DIAPH2: variants seen among roughly 807,000 people sequenced by gnomAD.
DIAPH2 encodes the protein protein diaphanous homolog 2.
In DIAPH2, 35 loss-of-function variants were observed where a neutral mutation model predicts 92.7. The ratio of observed to expected loss-of-function variants is 0.38; its 90% CI spans 0.29 to 0.50. The LOEUF (loss-of-function observed/expected upper bound fraction) is 0.50. Ranked by LOEUF, DIAPH2 falls within the 20% of genes least tolerant of loss-of-function variation. The pLI is 0.94. For synonymous variants in DIAPH2, 301 were observed against 280.4 expected (o/e 1.07, Z -0.73); for missense variants, 701 against 819.5 (o/e 0.86, Z 1.77).
intron 23 of DIAPH2, among the ~76,000 whole-genome samples, chrX:97,261,923 T>G (rs1427272610): frequency 9.0e-6 from 1 of 110,677 alleles, no homozygotes; most frequent in East Asian, 2.8e-4. Context: ...TGAATTAATT[T>G]CTTCTCTGAT....
rs1388326123 is a variant in DIAPH2, at chrX:97,492,982, C to T, written c.3241+63237C>T. Among the ~76,000 whole-genome samples the T allele has an allele frequency of 2.7e-5, 3 of 112,353 alleles. No individual in the cohort carries two copies. The East Asian group carries it at 8.4e-4, about 31-fold the overall frequency. ...CATGAGTTCTTTATATAAGCTTTTT[C>T]CCCTGACTATCTCTCTTCTCCTTTG... On this transcript the variant is annotated intron_variant, in intron 26 of 26. Transcript: ENST00000324765.
intron 1 of DIAPH2, among the ~76,000 whole-genome samples, chrX:96,724,245 C>T (rs922220275): frequency 7.2e-5 from 8 of 111,035 alleles, no homozygotes; most frequent in East Asian, 2.8e-4. Flanking sequence ...AATTTTTAAG[C>T]GTATCTTTAT....
chrX:97,287,782 C>A (rs1422255548), intron 23 of DIAPH2, among the ~76,000 whole-genome samples: 2 of 103,820 alleles, frequency 1.9e-5, no homozygotes, highest in Non-Finnish European at 3.9e-5. Flanking sequence ...CTTGGTGAAC[C>A]CTGTCTCTAC....
intron 4 of DIAPH2, among the ~76,000 whole-genome samples, chrX:96,789,359 T>C (rs1264889219): frequency 1.8e-5 from 2 of 111,986 alleles, no homozygotes; most frequent in African/African-American, 6.5e-5. Context: ...ATATTCAATA[T>C]AGACTGCATT....
At chrX:97,456,222 T>TA (rs1050808308) in intron 26 of DIAPH2, among the ~76,000 whole-genome samples, 2 of 110,257 alleles carry the variant, frequency 1.8e-5, no homozygotes, top group African/African-American at 6.6e-5. Flanking sequence ...CCGTCTCTAC[T>TA]AAAAAATACA....
At chrX:96,872,998 A>C (rs760497387) in intron 4 of DIAPH2, among the ~76,000 whole-genome samples, 1 of 111,988 alleles carries the variant, frequency 8.9e-6, no homozygotes, top group East Asian at 2.8e-4. Context: ...AGGAAGCTCC[A>C]TACTGTTTTC....
intron 23 of DIAPH2, among the ~76,000 whole-genome samples, chrX:97,310,761 C>T (rs2068787094): frequency 9.0e-6 from 1 of 111,552 alleles, no homozygotes; most frequent in East Asian, 2.8e-4. Flanking sequence ...GTAATCTCAG[C>T]GCTTTGGGAC....
intron 1 of DIAPH2, among the ~76,000 whole-genome samples, chrX:96,709,198 T>C (rs2063904189): frequency 8.9e-6 from 1 of 112,530 alleles, no homozygotes; most frequent in Non-Finnish European, 1.9e-5. Context: ...ACTTCGTTTC[T>C]GTTTGTTAAT....
chrX:96,861,090 A>C (rs748826098), intron 4 of DIAPH2, among the ~76,000 whole-genome samples: 200 of 111,456 alleles, frequency 1.8e-3, no homozygotes, highest in Middle Eastern at 9.2e-3. Flanking sequence ...AGTGTTCTGC[A>C]TTTATTCTTT....
chrX:96,874,717 A>C (rs909898461), intron 4 of DIAPH2, among the ~76,000 whole-genome samples: 1 of 112,046 alleles, frequency 8.9e-6, no homozygotes, highest in South Asian at 3.7e-4. Flanking sequence ...TTAATGTTCT[A>C]CTTTAAAATA....
intron 4 of DIAPH2, among the ~76,000 whole-genome samples, chrX:96,823,762 T>G: frequency 9.1e-6 from 1 of 110,314 alleles, no homozygotes; most frequent in East Asian, 2.8e-4. Flanking sequence ...ACTTTGAGTT[T>G]AGCAACAGGA....
chrX:97,288,443 A>C (rs1038359038), intron 23 of DIAPH2, among the ~76,000 whole-genome samples: 3 of 111,208 alleles, frequency 2.7e-5, no homozygotes, highest in Non-Finnish European at 5.7e-5. Flanking sequence ...TAGATGGCTT[A>C]AATGAAAAGA....
intron 23 of DIAPH2, among the ~76,000 whole-genome samples, chrX:97,304,819 C>T (rs1378093242): frequency 4.5e-5 from 5 of 112,100 alleles, no homozygotes; most frequent in Admixed American, 9.5e-5. Context: ...GAGTATTTTG[C>T]TACCAACAGA....
At chrX:97,264,648 C>T (rs954318763) in intron 23 of DIAPH2, among the ~76,000 whole-genome samples, 2 of 112,417 alleles carry the variant, frequency 1.8e-5, no homozygotes, top group Non-Finnish European at 3.7e-5. Flanking sequence ...CTCACAACTT[C>T]TTACCCTCAA....
At chrX:96,882,740 T>C (rs1337740807) in intron 5 of DIAPH2, among the ~76,000 whole-genome samples, 1 of 109,654 alleles carries the variant, frequency 9.1e-6, no homozygotes. Context: ...GTGGATCGCT[T>C]GAGTCCAGGA....
chrX:96,892,903 G>A (rs2065317257), intron 5 of DIAPH2, among the ~76,000 whole-genome samples: 1 of 111,465 alleles, frequency 9.0e-6, no homozygotes, highest in Admixed American at 9.6e-5. Context: ...ATAAAGGTAT[G>A]TATAATCTAG....
At chrX:97,338,475 G>C (rs571602790) in intron 23 of DIAPH2, among the ~76,000 whole-genome samples, 5 of 111,751 alleles carry the variant, frequency 4.5e-5, no homozygotes, top group African/African-American at 1.6e-4. Context: ...TTTCTGACAG[G>C]TTTTAAAAAG....
chrX:97,441,834 A>G (rs760311518), intron 26 of DIAPH2, among the ~76,000 whole-genome samples: 135 of 113,128 alleles, frequency 1.2e-3, no homozygotes, highest in African/African-American at 4.1e-3. Flanking sequence ...TAAATAAAAT[A>G]AAATAAAATT....
At chrX:96,927,300 T>G (rs1425962952) in intron 9 of DIAPH2, among the ~76,000 whole-genome samples, 2 of 88,268 alleles carry the variant, frequency 2.3e-5, no homozygotes, top group Non-Finnish European at 4.7e-5. Context: ...TTTTTTTTTT[T>G]TTGGAAAGCA....
Sources: allele counts gnomAD v4.1 joint callset (sites outside exome capture counted in the v4.1 genomes callset), GRCh38; gene constraint gnomAD v4.1.1; transcripts MANE v1.5; gene names NCBI Gene and HGNC (gene_info 2026-07-23, HGNC 2026-07-21).